FBN2: variants seen among roughly 807,000 people sequenced by gnomAD.
The protein encoded by FBN2 is fibrillin-2.
In FBN2, 105 loss-of-function variants were observed where a neutral mutation model predicts 355.6. The observed-to-expected ratio is 0.30, with a 90% CI of 0.25 to 0.35. The LOEUF (loss-of-function observed/expected upper bound fraction) is 0.35, where lower values mean the gene tolerates loss of function less well. Ranked by LOEUF, FBN2 falls within the 10% of genes least tolerant of loss-of-function variation. The pLI is 1.00. For missense variants in FBN2, 3,280 were observed against 3,758.7 expected (o/e 0.87, Z 3.33); for synonymous variants, 1,350 against 1,301.2 (o/e 1.04, Z -0.81).
At chr5:128,488,309 G>A (rs929453014) in intron 5 of FBN2, among the ~76,000 whole-genome samples, 1 of 152,094 alleles carries the variant, frequency 6.6e-6, no homozygotes, top group African/African-American at 2.4e-5. Context: ...TTTGTCAGCT[G>A]CCACCCTTTT....
intron 36 of FBN2, among the ~76,000 whole-genome samples, chr5:128,317,114 T>C (rs759734561): frequency 6.6e-6 from 1 of 152,116 alleles, no homozygotes; most frequent in Non-Finnish European, 1.5e-5. Context: ...AACTGGAGGC[T>C]TCCCTCAGTG....
intron 6 of FBN2, among the ~76,000 whole-genome samples, chr5:128,447,316 C>G (rs901300449): frequency 6.6e-6 from 1 of 152,134 alleles, no homozygotes; most frequent in African/African-American, 2.4e-5. Context: ...GGAGAAATAT[C>G]GCTGAATTCG....
At chr5:128,376,611 C>T in intron 14 of FBN2, 120 bp downstream of exon 14, 2 of 1,220,844 alleles carry the variant, frequency 1.6e-6, no homozygotes, top group East Asian at 2.3e-5. Context: ...AGTGAATTAG[C>T]AAGAAATGTG....
chr5:128,504,030 G>C (rs1755886828), intron 5 of FBN2, among the ~76,000 whole-genome samples: 1 of 152,154 alleles, frequency 6.6e-6, no homozygotes, highest in African/African-American at 2.4e-5. Context: ...TGGCTAAAAG[G>C]GGCCAATGTA....
At position 128,291,406 on chromosome 5, in the gene FBN2, C is replaced by T. The variant is rs1186815016; in HGVS notation, c.6292+123G>A. 3.6e-6 allele frequency: 4 copies of T among 1,110,216 alleles called. No homozygotes were observed. In the African/African-American group the frequency reaches 6.2e-5, roughly 17 times the overall value. 68.8% of individuals were successfully genotyped at this position (1,110,216 alleles called of 1,614,324 possible). On this transcript the variant is annotated intron_variant, in intron 49 of 64. Coordinates refer to ENST00000262464, the MANE Select transcript of FBN2 (RefSeq NM_001999.4). ...TTATGTTTGAGACCTAAATTTTTAACTTGCAGATGTATTTTAGCATAGACA... is the reference window on the plus strand; with the variant it reads ...TTATGTTTGAGACCTAAATTTTTAATTTGCAGATGTATTTTAGCATAGACA...
chr5:128,511,298 T>C lies in FBN2; in HGVS notation c.628+7975A>G, dbSNP rs1476233429. On this transcript the variant is annotated intron_variant, in intron 5 of 64. Coordinates refer to ENST00000262464, the MANE Select transcript of FBN2 (RefSeq NM_001999.4). ...AGTCATTCATAGCTCCTCTACTCAG[T>C]GCCTACTTGAGGGTATAGAGGGCAG... 3.9e-5 allele frequency among the ~76,000 whole-genome samples: 6 copies of C among 152,330 alleles called. No homozygotes were observed. In the East Asian group the frequency reaches 1.2e-3, roughly 29 times the overall value.
At chr5:128,455,995 A>C (rs1305486233) in intron 6 of FBN2, among the ~76,000 whole-genome samples, 3 of 125,826 alleles carry the variant, frequency 2.4e-5, no homozygotes, top group Admixed American at 1.5e-4. Context: ...AGCAACAAAA[A>C]AAAAAAAAAA....
chr5:128,330,373 A>T (rs1336376240), intron 33 of FBN2, among the ~76,000 whole-genome samples, 200 bp downstream of exon 33: 1 of 152,226 alleles, frequency 6.6e-6, no homozygotes, highest in East Asian at 1.9e-4. Context: ...GTTATTTGAA[A>T]ACTTCCAACA....
chr5:128,280,104 C>T, intron 56 of FBN2, 88 bp downstream of exon 56: 3 of 1,094,396 alleles, frequency 2.7e-6, no homozygotes, highest in Non-Finnish European at 4.2e-6. Flanking sequence ...GTTTAGCAGA[C>T]AAGAATATAT....
At chr5:128,481,685 T>A (rs888796334) in intron 5 of FBN2, among the ~76,000 whole-genome samples, 3 of 152,166 alleles carry the variant, frequency 2.0e-5, no homozygotes, top group Non-Finnish European at 2.9e-5. Context: ...CCTCCAAAAA[T>A]TAGAGAAATA....
intron 5 of FBN2, among the ~76,000 whole-genome samples, chr5:128,509,338 G>A (rs1440071606): frequency 2.0e-5 from 3 of 151,910 alleles, no homozygotes; most frequent in Non-Finnish European, 4.4e-5. Flanking sequence ...AGGCTCACTC[G>A]TCTTTTCGCC....
At chr5:128,413,575 T>C (rs1430572258) in intron 7 of FBN2, among the ~76,000 whole-genome samples, 1 of 152,156 alleles carries the variant, frequency 6.6e-6, no homozygotes, top group Non-Finnish European at 1.5e-5. Context: ...TAACCTCATA[T>C]TTGTCAACCA....
intron 2 of FBN2, 25 bp downstream of exon 2, chr5:128,536,377 G>A (rs1756847255): frequency 1.3e-6 from 2 of 1,599,874 alleles, no homozygotes; most frequent in Non-Finnish European, 1.7e-6. Flanking sequence ...GCTGCCCCAA[G>A]CTGCGATCCC....
In FBN2 at chr5:128,311,901, G is replaced by C; in HGVS notation, c.4932C>G (p.Ile1644Met). Residue 1644 changes from isoleucine to methionine, a missense_variant, in exon 38 of 65, where the codon ATC becomes ATG. By Grantham distance (10) the Ile-to-Met change is conservative (BLOSUM62 1). Coordinates refer to ENST00000262464, the MANE Select transcript of FBN2 (RefSeq NM_001999.4). ...TTAGCTCACCTTCTAAAATGATTGT[G>C]ATGGGGTTAGGTCTGAAGCCTTCAC... ...PGGEGFRPNPITIILEDIDEC... is the reference protein window; with the variant it reads ...PGGEGFRPNPMTIILEDIDEC... 6.2e-7 allele frequency: 1 copy of C among 1,610,312 alleles called. No individual in the cohort carries two copies. The highest frequency in any genetic ancestry group is 8.5e-7 in the Non-Finnish European group (1 of 1,176,678).
At chr5:128,408,913 T>C (rs1437897377) in intron 7 of FBN2, 114 bp from the exon 8 acceptor site, 16 of 1,130,858 alleles carry the variant, frequency 1.4e-5, no homozygotes, top group Non-Finnish European at 1.7e-5. Context: ...GGTCAGATCA[T>C]ATAACCCTGA....
chr5:128,513,673 C>T (rs1479522466), intron 5 of FBN2, among the ~76,000 whole-genome samples: 1 of 152,170 alleles, frequency 6.6e-6, no homozygotes, highest in African/African-American at 2.4e-5. Flanking sequence ...CTGGCCTCTC[C>T]CAGGTAGATC....
chr5:128,433,957 A>G (rs1753699094), intron 7 of FBN2, among the ~76,000 whole-genome samples: 1 of 152,156 alleles, frequency 6.6e-6, no homozygotes, highest in African/African-American at 2.4e-5. Flanking sequence ...ACTATAACTA[A>G]ATTTGTTTAT....
At chr5:128,414,809 T>C (rs1753154003) in intron 7 of FBN2, among the ~76,000 whole-genome samples, 1 of 152,056 alleles carries the variant, frequency 6.6e-6, no homozygotes, top group South Asian at 2.1e-4. Flanking sequence ...TTATCTACTT[T>C]TTTTTTTGCT....
chr5:128,364,826 C>G (rs1460150539), intron 17 of FBN2, 101 bp from the exon 18 acceptor site: 1 of 983,362 alleles, frequency 1.0e-6, no homozygotes, highest in Non-Finnish European at 1.6e-6. Flanking sequence ...AAGTGTTTAA[C>G]TCTGCAAACT....
Sources: allele counts gnomAD v4.1 joint callset (sites outside exome capture counted in the v4.1 genomes callset), GRCh38; gene constraint gnomAD v4.1.1; transcripts MANE v1.5; gene names NCBI Gene and HGNC (gene_info 2026-07-23, HGNC 2026-07-21).